Variants in CFAP74 observed in about 807,000 individuals in gnomAD.
CFAP74 encodes the protein cilia and flagella associated protein 74.
A neutral mutation model predicts 188.9 loss-of-function variants in CFAP74; 124 were observed. That is an observed-to-expected ratio of 0.66 (90% CI 0.57 to 0.76). The LOEUF (loss-of-function observed/expected upper bound fraction) is 0.76, where lower values mean the gene tolerates loss of function less well. Ranked by LOEUF, CFAP74 falls within the 30% of genes least tolerant of loss-of-function variation. The pLI is 0.00. For synonymous variants in CFAP74, 956 were observed against 916.7 expected (o/e 1.04, Z -0.77); for missense variants, 2,198 against 2,165.2 (o/e 1.02, Z -0.30).
At chr1:1,981,501 CCAACCACGGACAGACATGGGGGCACG>C (rs1354460912) in intron 6 of CFAP74, among the ~76,000 whole-genome samples, 1 of 119,502 alleles carries the variant, frequency 8.4e-6, no homozygotes, top group East Asian at 2.8e-4. Context: ...CGCAGGACAC[CCAACCACGGACAGACATGGGGGCACG>C]CAGGACACAC....
chr1:1,931,067 A>G (rs986538006), intron 25 of CFAP74, among the ~76,000 whole-genome samples: 2 of 152,186 alleles, frequency 1.3e-5, no homozygotes, highest in Non-Finnish European at 2.9e-5. Flanking sequence ...GAAAGTGTTC[A>G]TTCATATGTT....
chr1:1,953,032 T>C (rs999838224), intron 18 of CFAP74, among the ~76,000 whole-genome samples: 1 of 152,210 alleles, frequency 6.6e-6, no homozygotes, highest in Non-Finnish European at 1.5e-5. Context: ...ATTCATGCTA[T>C]GCTTTTTTGG....
Position 1,931,553 on chromosome 1 carries a change from G to A in CFAP74, c.3012-1217C>T, listed in dbSNP as rs573063725. 1.4e-3 allele frequency among the ~76,000 whole-genome samples: 200 copies of A among 146,454 alleles called. 1 individual carries two copies. The highest frequency in any genetic ancestry group is 2.7e-3 in the African/African-American group (107 of 39,590). ...AGATCGAGACCATCCTGGCTAACAC[G>A]GCGAAACCCCGTCGCTACTAAAAAT... On this transcript the variant is annotated intron_variant, in intron 25 of 38. Transcript: ENST00000682832.
intron 9 of CFAP74, 62 bp downstream of exon 9, chr1:1,971,918 G>T (rs13303329): frequency 9.2e-6 from 12 of 1,304,732 alleles, no homozygotes; most frequent in Admixed American, 6.8e-5. Context: ...AGGAGCAGGG[G>T]CCCAGGGACG....
chr1:1,922,178 T>TGACC lies in CFAP74; in HGVS notation c.*108_*109insGGTC. Reference sequence around the variant, plus strand: ...ATGTGGAGGGCGGCCTATTGGAATCTGGCAGAGGATGGCCAGGTCCCAGGC... The same window carrying TGACC: ...ATGTGGAGGGCGGCCTATTGGAATCTGACCGGCAGAGGATGGCCAGGTCCCAGGC... On this transcript the variant is annotated 3_prime_UTR_variant, in exon 39 of 39. Coordinates refer to ENST00000682832, the MANE Select transcript of CFAP74 (RefSeq NM_001304360.2). The TGACC allele has an allele frequency of 2.4e-6, 2 of 833,160 alleles. No individual in the cohort carries two copies. Among genetic ancestry groups the TGACC allele is most frequent in the Non-Finnish European group, 2.0e-6 (1 of 512,422 alleles). 51.6% of individuals were successfully genotyped at this position (833,160 alleles called of 1,614,324 possible).
chr1:1,938,886 A>C lies in CFAP74; in HGVS notation c.2980T>G (p.Phe994Val), dbSNP rs988974128. Residue 994 changes from phenylalanine to valine, a missense_variant, in exon 25 of 39, where the codon TTC becomes GTC. Physicochemically the swap from Phe to Val is conservative, Grantham distance 50. Transcript: ENST00000682832. ...FQPTKAEEHR[F>V]QLTCKSEINR... Reference sequence around the variant, plus strand: ...ATCTCAGACTTGCAGGTCAGTTGGAATCTGTGTTCCTCGGCCTTGGTGGGC... The same window carrying C: ...ATCTCAGACTTGCAGGTCAGTTGGACTCTGTGTTCCTCGGCCTTGGTGGGC... 7.7e-5 allele frequency: 119 copies of C among 1,536,064 alleles called. No homozygotes were observed. The highest frequency in any genetic ancestry group is 9.9e-5 in the Non-Finnish European group (113 of 1,146,926).
chr1:1,941,709 G>A (rs1653389245), intron 22 of CFAP74, among the ~76,000 whole-genome samples: 1 of 152,162 alleles, frequency 6.6e-6, no homozygotes, highest in Non-Finnish European at 1.5e-5. Flanking sequence ...GACCCTCAGT[G>A]GCCATGAGAG....
At chr1:1,981,009 G>A (rs1332163454) in intron 6 of CFAP74, among the ~76,000 whole-genome samples, 4 of 152,226 alleles carry the variant, frequency 2.6e-5, no homozygotes, top group South Asian at 4.1e-4. Context: ...CCGAAGCAGC[G>A]GCCAGCCTCG....
chr1:1,973,068 C>G lies in CFAP74; in HGVS notation c.675-21G>C, dbSNP rs1054565489. 1.4e-5 allele frequency: 22 copies of G among 1,573,204 alleles called. No homozygotes were observed. The Middle Eastern group carries it at 5.2e-4, about 37-fold the overall frequency. ...ACTTCCTGTGGGGATATGGGGCCGT[C>G]AGAGGGAAACTCGGCATCACACGTC... On this transcript the variant is annotated intron_variant, in intron 7 of 38. Transcript: ENST00000682832. The surrounding 1 kb of genome is among the most constrained non-coding windows in gnomAD (Gnocchi z 6.2).
intron 18 of CFAP74, chr1:1,954,600 T>C (rs1179876494): frequency 6.1e-6 from 1 of 164,746 alleles, no homozygotes; most frequent in East Asian, 1.9e-4. Flanking sequence ...CTGGGAAACA[T>C]GGCGAAACCC....
chr1:2,001,352 C>T (rs186763078), intron 1 of CFAP74, among the ~76,000 whole-genome samples: 15 of 148,636 alleles, frequency 1.0e-4, no homozygotes, highest in African/African-American at 3.7e-4. Flanking sequence ...TTTTTTGAGA[C>T]GGAGTCTCGC....
chr1:1,966,636 T>C, intron 11 of CFAP74, 110 bp from the exon 12 acceptor site: 1 of 1,013,100 alleles, frequency 9.9e-7, no homozygotes, highest in South Asian at 2.6e-5. Flanking sequence ...CCCGTTCTTC[T>C]GCCTCACGTA....
At chr1:1,955,058 AGTGCGGCTCACACCGGAAG>A (rs1654468335) in intron 18 of CFAP74, 1 of 1,268,042 alleles carries the variant, frequency 7.9e-7, no homozygotes, top group South Asian at 1.3e-5. Context: ...TCACACCGGA[AGTGCGGCTCACACCGGAAG>A]TGCGGCTCAC....
rs1275067530 is a variant in CFAP74 at position 1,968,767 on chromosome 1, A to C, written c.1113T>G (p.Ala371=). 3 of 1,613,938 alleles carry C rather than the reference A, an allele frequency of 1.9e-6. No individual in the cohort carries two copies. The highest frequency in any genetic ancestry group is 2.5e-6 in the Non-Finnish European group (3 of 1,179,940). The change falls in exon 11 of 39, where the codon GCT becomes GCG. Residue 371 remains alanine (A), a synonymous_variant. Transcript: ENST00000682832. This position sits in a 1 kb window ranked among gnomAD's most constrained non-coding sequence, Gnocchi z 4.3. ...EIISRILKEE[A]EEEKRKKQHP... is the part of the protein sequence containing the mutation. Reference sequence around the variant, plus strand: ...GCTGTTTCTTCCTCTTTTCCTCCTCAGCCTCCTCTTTCAGAATCCGACTGA... The same window carrying C: ...GCTGTTTCTTCCTCTTTTCCTCCTCCGCCTCCTCTTTCAGAATCCGACTGA...
chr1:1,929,010 C>T (rs1235412898), intron 26 of CFAP74, 128 bp from the exon 27 acceptor site: 19 of 628,232 alleles, frequency 3.0e-5, no homozygotes, highest in Non-Finnish European at 5.0e-5. Flanking sequence ...AGATTTCAGG[C>T]TGCGTGCCCC....
At chr1:1,990,790 C>T (rs763483686) in intron 2 of CFAP74, 100 bp downstream of exon 2, 24 of 811,986 alleles carry the variant, frequency 3.0e-5, no homozygotes, top group Non-Finnish European at 3.9e-5. Context: ...TAAAAGATAC[C>T]CTCTCCCAGA....
intron 1 of CFAP74, among the ~76,000 whole-genome samples, chr1:1,993,027 C>T (rs1284654922): frequency 6.6e-6 from 1 of 150,910 alleles, no homozygotes; most frequent in Non-Finnish European, 1.5e-5. Flanking sequence ...ATGGTGAAAC[C>T]CCATCTCTAC....
At chr1:1,972,544 A>G (rs978709514) in intron 8 of CFAP74, among the ~76,000 whole-genome samples, 3 of 152,206 alleles carry the variant, frequency 2.0e-5, no homozygotes, top group African/African-American at 7.2e-5. Flanking sequence ...TAAGGTGGTG[A>G]TTCAATAATA....
At position 1,928,802 on chromosome 1, in the gene CFAP74, T is replaced by C. The variant is rs1391513141; in HGVS notation, c.3369A>G (p.Lys1123=). 2 of 1,535,506 alleles carry C rather than the reference T, an allele frequency of 1.3e-6. No homozygotes were observed. Among genetic ancestry groups the C allele is most frequent in the African/African-American group, 2.7e-5 (2 of 73,046 alleles). The change falls in exon 27 of 39, where the codon AAA becomes AAG. Residue 1123 remains lysine, a synonymous_variant. Transcript: ENST00000682832. Reference sequence around the variant, plus strand: ...CACGCACAGATTTGGTCTCCATTTCTTTGTTCAGGAGTGGGAGGGCTTCCT... The same window carrying C: ...CACGCACAGATTTGGTCTCCATTTCCTTGTTCAGGAGTGGGAGGGCTTCCT... The part of the protein sequence containing the change: ...IRQEALPLLN[K]EMETKSFRKN...
Sources: gnomAD v4.1 joint callset for allele counts (sites outside exome capture counted in the v4.1 genomes callset) on GRCh38, gnomAD v4.1.1 for gene constraint, Gnocchi (gnomAD v3.1) non-coding constraint, MANE v1.5 for transcripts, NCBI Gene and HGNC (gene_info 2026-07-23, HGNC 2026-07-21) for gene names.